SS18: variants seen among roughly 807,000 people sequenced by gnomAD.
SS18 encodes protein SSXT.
SS18 carries 28 observed loss-of-function variants against 72.5 expected under a neutral mutation model. That is an observed-to-expected ratio of 0.39 (90% confidence interval 0.29 to 0.53). SS18 has a LOEUF of 0.53. SS18 is among the 20% of genes least tolerant of loss of function. The probability of loss-of-function intolerance (pLI) is 0.76; values close to 1 mark genes in which losing one functional copy is unlikely to be tolerated. For synonymous variants in SS18, 172 were observed against 164.2 expected, an observed-to-expected ratio of 1.05 and a Z score of -0.37; for missense variants, 518 against 535.3, an observed-to-expected ratio of 0.97 and a Z score of 0.32.
intron 7 of SS18, among the ~76,000 whole-genome samples, chr18:26,036,410 A>G (rs2053627207): frequency 1.3e-5 from 2 of 152,216 alleles, no homozygotes; most frequent in Admixed American, 1.3e-4. Flanking sequence ...AAGTTCTAAC[A>G]TTTACTTGCA....
intron 2 of SS18, chr18:26,078,459 A>G (rs2054456888): frequency 4.3e-6 from 1 of 232,090 alleles, no homozygotes; most frequent in African/African-American, 2.3e-5. Context: ...CAGATGAGAA[A>G]CTAATGTTTA....
At chr18:26,020,224 C>T (rs1473409540) in intron 10 of SS18, among the ~76,000 whole-genome samples, 2 of 152,110 alleles carry the variant, frequency 1.3e-5, no homozygotes, top group African/African-American at 4.8e-5. Context: ...GACTCGGTTT[C>T]TTCAATCATC....
intron 5 of SS18, among the ~76,000 whole-genome samples, chr18:26,051,944 A>C (rs1333308249): frequency 1.3e-5 from 2 of 151,732 alleles, no homozygotes; most frequent in South Asian, 2.1e-4. Flanking sequence ...TTCCAAATAC[A>C]TTTAATTCTA....
chr18:26,080,376 G>A (rs1378725719), intron 2 of SS18: 1 of 985,246 alleles, frequency 1.0e-6, no homozygotes, highest in Non-Finnish European at 1.2e-6. Flanking sequence ...GAGATTTTCT[G>A]AGGACCACTG....
Position 26,035,836 on chromosome 18 carries a change from T to A in SS18, c.968A>T (p.Glu323Val). The change falls in exon 8 of 11, where the codon GAA becomes GTA. Residue 323 changes from glutamate to valine, a missense_variant. Physicochemically the swap from Glu to Val is moderately radical, Grantham distance 121. Coordinates refer to ENST00000415083, the MANE Select transcript of SS18 (RefSeq NM_001007559.3). The surrounding 1 kb of genome is among the most constrained non-coding windows in gnomAD (Gnocchi z 4.4). ...GTGTGAAGGTATATAGATACCTCCT[T>A]CGTAGTAATGTTGTGAGGAATCCTC... is the stretch of plus-strand genomic sequence containing the variant. ...PYEDSSQHYY[E>V]GGNSQYGQQQ... The A allele has an allele frequency of 6.3e-7, 1 of 1,595,178 alleles. No homozygotes were observed. Among genetic ancestry groups the A allele is most frequent in the Admixed American group, 1.7e-5 (1 of 58,626 alleles).
chr18:26,089,919 G>C (rs559292100), intron 1 of SS18: 3 of 152,452 alleles, frequency 2.0e-5, no homozygotes, highest in Admixed American at 2.0e-4. Context: ...AGAGGCTCTG[G>C]GGACAACCCC....
chr18:26,069,507 T>TAAAAA (rs11329781), intron 3 of SS18, among the ~76,000 whole-genome samples: 20 of 85,930 alleles, frequency 2.3e-4, no homozygotes, highest in Non-Finnish European at 3.3e-4. Flanking sequence ...CCTACCAAAG[T>TAAAAA]AAAAAAAAAA....
intron 5 of SS18, among the ~76,000 whole-genome samples, chr18:26,047,201 G>A (rs1213200734): frequency 3.4e-5 from 5 of 145,664 alleles, no homozygotes; most frequent in South Asian, 2.2e-4. Context: ...TTCTGTTAGC[G>A]CCTGGCACTA....
intron 5 of SS18, among the ~76,000 whole-genome samples, chr18:26,045,760 GA>G (rs923068111): frequency 6.6e-6 from 1 of 151,820 alleles, no homozygotes; most frequent in Non-Finnish European, 1.5e-5. Context: ...AATCAGTAGG[GA>G]AAAAAATCAT....
intron 5 of SS18, among the ~76,000 whole-genome samples, chr18:26,051,776 C>T (rs3786345): frequency 0.092 from 13,947 of 152,162 alleles, 955 homozygotes; most frequent in African/African-American, 0.17. Flanking sequence ...TCTCCTTTTG[C>T]TTTCAGTATA....
chr18:26,038,063 A>C (rs1002838411), intron 7 of SS18, among the ~76,000 whole-genome samples: 3 of 152,160 alleles, frequency 2.0e-5, no homozygotes, highest in African/African-American at 7.2e-5. Context: ...TTTTTCTCAA[A>C]GGCAAGCACT....
At position 26,039,289 on chromosome 18, in the gene SS18, C is replaced by T; in HGVS notation, c.775G>A (p.Gly259Ser). The change falls in exon 6 of 11, where the codon GGC (glycine) becomes AGC (serine). Residue 259 changes from glycine (G) to serine (S), a missense_variant and splice_region_variant. Physicochemically the swap from Gly to Ser is moderately conservative, Grantham distance 56 (BLOSUM62 0). Coordinates refer to ENST00000415083, the MANE Select transcript of SS18 (RefSeq NM_001007559.3). ...GCAAATTTTCCAAATGGAATCTTAC[C>T]CTGTTGAGGAGGTCTATAGGGAGGA... is the stretch of plus-strand genomic sequence containing the variant. ...QIPPYRPPQQ[G>S]PPQQYSGQED... The T allele has an allele frequency of 1.3e-6, 2 of 1,599,662 alleles. No homozygotes were observed. The highest frequency in any genetic ancestry group is 1.7e-6 in the Non-Finnish European group (2 of 1,171,346).
At chr18:26,072,193 G>C (rs1048029720) in intron 3 of SS18, among the ~76,000 whole-genome samples, 1 of 151,954 alleles carries the variant, frequency 6.6e-6, no homozygotes, top group Non-Finnish European at 1.5e-5. Context: ...CTTTGATTGG[G>C]ATGTATATTA....
At chr18:26,038,506 A>G (rs751396323) in intron 7 of SS18, 49 bp downstream of exon 7, 2 of 1,495,738 alleles carry the variant, frequency 1.3e-6, no homozygotes, top group Non-Finnish European at 1.9e-6. Context: ...CTCTACATTA[A>G]TATTAGGCAG....
chr18:26,050,038 G>C (rs985814897), intron 5 of SS18, among the ~76,000 whole-genome samples: 1 of 152,202 alleles, frequency 6.6e-6, no homozygotes, highest in African/African-American at 2.4e-5. Flanking sequence ...CTTGAGGTCA[G>C]GAGTTCAAGA....
At position 26,018,290 on chromosome 18, in the gene SS18, C is replaced by A; in HGVS notation, c.*64G>T. 7.2e-7 allele frequency: 1 copy of A among 1,389,636 alleles called. No homozygotes were observed. Among genetic ancestry groups the A allele is most frequent in the South Asian group, 1.2e-5 (1 of 80,718 alleles). 86.1% of individuals were successfully genotyped at this position (1,389,636 alleles called of 1,614,324 possible). A position where few individuals can be genotyped will look rare whatever the true frequency, so the allele number is the denominator to read the frequency against. On this transcript the variant is annotated 3_prime_UTR_variant, in exon 11 of 11. Coordinates refer to ENST00000415083, the MANE Select transcript of SS18 (RefSeq NM_001007559.3). ...GAAGGATCTCTTCACAGGGAGGTGT[C>A]CACAGTGCTGAGGTGACAATATGGC...
intron 3 of SS18, among the ~76,000 whole-genome samples, chr18:26,065,483 G>A (rs1024168832): frequency 3.9e-5 from 6 of 151,926 alleles, no homozygotes; most frequent in East Asian, 1.9e-4. Flanking sequence ...ATCACATGGC[G>A]AAAAGAAGAA....
Position 26,087,559 on chromosome 18 carries a change from G to A in SS18, c.88C>T (p.His30Tyr), listed in dbSNP as rs761517962. Residue 30 changes from histidine to tyrosine, a missense_variant, in exon 2 of 11, where the codon CAT (histidine) becomes TAT (tyrosine). His to Tyr is a moderately conservative substitution (Grantham distance 83). Coordinates refer to ENST00000415083, the MANE Select transcript of SS18 (RefSeq NM_001007559.3). Reference sequence around the variant, plus strand: ...GAGTCCATTATACACTGAATAAGATGGTTATTGTCATCCAACATCTGAAAC... The same window carrying A: ...GAGTCCATTATACACTGAATAAGATAGTTATTGTCATCCAACATCTGAAAC... ...AIQKMLDDNNHLIQCIMDSQN... is the reference protein window; with the variant it reads ...AIQKMLDDNNYLIQCIMDSQN... The A allele has an allele frequency of 2.5e-6, 4 of 1,588,248 alleles. No individual in the cohort carries two copies. The South Asian group carries it at 3.4e-5, about 13-fold the overall frequency.
rs1030129995 is a variant in SS18 at position 26,017,190 on chromosome 18, A to T, written c.*1164T>A. The T allele has an allele frequency of 9.7e-6, 2 of 205,204 alleles. No homozygotes were observed. Among genetic ancestry groups the T allele is most frequent in the Admixed American group, 1.2e-4 (2 of 16,784 alleles). The allele number at this position is 205,204 out of a possible 1,614,324, so 12.7% of individuals were successfully genotyped here. ...AGAATGCAACCTCGGTGCTTTAAAA[A>T]CAGATAGAATAAACCTCATCAATAA... On this transcript the variant is annotated 3_prime_UTR_variant, in exon 11 of 11. Coordinates refer to ENST00000415083, the MANE Select transcript of SS18 (RefSeq NM_001007559.3).
Sources: gnomAD v4.1 joint callset for allele counts (sites outside exome capture counted in the v4.1 genomes callset) on GRCh38, gnomAD v4.1.1 for gene constraint, Gnocchi (gnomAD v3.1) non-coding constraint, MANE v1.5 for transcripts, NCBI Gene and HGNC (gene_info 2026-07-23, HGNC 2026-07-21) for gene names.